Variants in NME1 observed in about 807,000 individuals in gnomAD.
NME1 encodes the protein nucleoside diphosphate kinase A.
A neutral mutation model predicts 17.2 loss-of-function variants in NME1; 9 were observed. The ratio of observed to expected loss-of-function variants is 0.52; its 90% CI spans 0.32 to 0.92. NME1 has a LOEUF of 0.92. Ranked by LOEUF, NME1 falls within the 40% of genes least tolerant of loss-of-function variation. The pLI, the probability that NME1 is intolerant of heterozygous loss-of-function variation, is 0.04. For missense variants in NME1, 169 were observed against 201.7 expected (o/e 0.84, Z 0.98); for synonymous variants, 72 against 70.8 (o/e 1.02, Z -0.09).
Position 51,161,740 on chromosome 17 carries a change from T to C in NME1, c.354T>C (p.His118=). ...FCIQVGRNII[H]GSDSVESAEK... ...TTTCTCCACCCAGGAACATTATACA[T>C]GGCAGTGATTCTGTGGAGAGTGCAG... Residue 118 remains histidine, a synonymous_variant, in exon 5 of 5, where the codon CAT becomes CAC. Transcript: ENST00000393196. The C allele has an allele frequency of 6.2e-7, 1 of 1,613,260 alleles. No individual in the cohort carries two copies. The highest frequency in any genetic ancestry group is 8.5e-7 in the Non-Finnish European group (1 of 1,179,162).
intron 4 of NME1, 28 bp from the exon 5 acceptor site, chr17:51,161,700 T>G: frequency 1.3e-6 from 2 of 1,526,690 alleles, no homozygotes; most frequent in Non-Finnish European, 1.8e-6. Context: ...CTGGTCTTGG[T>G]CATGTGACTA....
At chr17:51,159,378 A>G (rs970528985) in intron 2 of NME1, among the ~76,000 whole-genome samples, 2 of 152,140 alleles carry the variant, frequency 1.3e-5, no homozygotes, top group Admixed American at 6.5e-5. Context: ...AGGCAGGCAG[A>G]TCACCTGCGG....
intron 3 of NME1, chr17:51,160,295 C>T (rs2049846174): frequency 1.8e-5 from 12 of 656,134 alleles, no homozygotes; most frequent in East Asian, 5.8e-5. Context: ...GATCAAAGAA[C>T]GCAATTTTTA....
At position 51,157,569 on chromosome 17, in the gene NME1, A is replaced by G. The variant is rs193015047; in HGVS notation, c.126+1789A>G. 1.1e-3 allele frequency among the ~76,000 whole-genome samples: 173 copies of G among 152,324 alleles called. 2 individuals carry two copies. The highest frequency in any genetic ancestry group is 1.3e-4 in the Non-Finnish European group (9 of 68,030). On this transcript the variant is annotated intron_variant, in intron 2 of 4. Coordinates refer to ENST00000393196, the MANE Select transcript of NME1 (RefSeq NM_000269.3). ...TTGGGGGACACATTCAGATCACAGC[A>G]GAAGGTAACATGAGATGGATGTGTT...
intron 1 of NME1, 46 bp downstream of exon 1, chr17:51,153,708 T>C (rs1187175496): frequency 1.4e-5 from 2 of 147,816 alleles, no homozygotes; most frequent in East Asian, 2.1e-4. Context: ...AGGAGTGTAG[T>C]CGCGGGAGTG....
intron 3 of NME1, chr17:51,160,296 G>A (rs943748170): frequency 4.3e-5 from 28 of 651,644 alleles, no homozygotes; most frequent in African/African-American, 8.9e-5. Context: ...ATCAAAGAAC[G>A]CAATTTTTAA....
chr17:51,161,899 C>A lies in NME1; in HGVS notation c.*54C>A. On this transcript the variant is annotated 3_prime_UTR_variant, in exon 5 of 5. Transcript: ENST00000393196. ...ATCCATTTCCCCTCCTTCCCATGGGCAGAGGACCAGGCTGTAGGAAATCTA... is the reference window on the plus strand; with the variant it reads ...ATCCATTTCCCCTCCTTCCCATGGGAAGAGGACCAGGCTGTAGGAAATCTA... 1 of 1,106,204 alleles carries A rather than the reference C, an allele frequency of 9.0e-7. No individual in the cohort carries two copies. The highest frequency in any genetic ancestry group is 1.4e-6 in the Non-Finnish European group (1 of 718,626). The allele number at this position is 1,106,204 out of a possible 1,614,324, so 68.5% of individuals were successfully genotyped here. A position where few individuals can be genotyped will look rare whatever the true frequency, so the allele number is the denominator to read the frequency against.
Position 51,160,025 on chromosome 17 carries a change from C to T in NME1, c.172C>T (p.Arg58Cys), listed in dbSNP as rs778134532. The T allele has an allele frequency of 1.6e-5, 26 of 1,613,940 alleles. No homozygotes were observed. Among genetic ancestry groups the T allele is most frequent in the Middle Eastern group, 1.6e-4 (1 of 6,084 alleles). The change falls in exon 3 of 5, where the codon CGT becomes TGT. Residue 58 changes from arginine to cysteine, a missense_variant. Transcript: ENST00000393196. ...LKEHYVDLKDRPFFAGLVKYM... is the reference protein window; with the variant it reads ...LKEHYVDLKDCPFFAGLVKYM... ...GGAACACTACGTTGACCTGAAGGAC[C>T]GTCCATTCTTTGCCGGCCTGGTGAA...
At position 51,155,901 on chromosome 17, in the gene NME1, C is replaced by T. The variant is rs2049779439; in HGVS notation, c.126+121C>T. On this transcript the variant is annotated intron_variant, in intron 2 of 4. Coordinates refer to ENST00000393196, the MANE Select transcript of NME1 (RefSeq NM_000269.3). Reference sequence around the variant, plus strand: ...TCCACGGTAGAGTGAACACAAGTGTCTTGAGACCTGGAAACTCCTCAGTGC... The same window carrying T: ...TCCACGGTAGAGTGAACACAAGTGTTTTGAGACCTGGAAACTCCTCAGTGC... The T allele has an allele frequency of 2.6e-6, 4 of 1,517,614 alleles. No individual in the cohort carries two copies. In the African/African-American group the frequency reaches 4.1e-5, roughly 16 times the overall value. 94.0% of individuals were successfully genotyped at this position (1,517,614 alleles called of 1,614,324 possible).
intron 4 of NME1, 21 bp from the exon 5 acceptor site, chr17:51,161,707 A>T (rs964279947): frequency 4.5e-6 from 7 of 1,560,256 alleles, no homozygotes; most frequent in African/African-American, 1.4e-5. Flanking sequence ...TGGTCATGTG[A>T]CTATCTCTTT....
At chr17:51,155,472 A>G (rs1364684000) in intron 1 of NME1, among the ~76,000 whole-genome samples, 179 bp from the exon 2 acceptor site, 1 of 152,230 alleles carries the variant, frequency 6.6e-6, no homozygotes, top group Non-Finnish European at 1.5e-5. Flanking sequence ...ATCCTTTCCC[A>G]CATTGACATA....
chr17:51,162,004 C>T lies in NME1; in HGVS notation c.*159C>T, dbSNP rs186269173. The stretch of plus-strand genomic sequence containing the variant: ...TCTCCCTGTACAGTGTTACCATCCC[C>T]GACCATCTGATTAAAATGCTTCCTC... On this transcript the variant is annotated 3_prime_UTR_variant, in exon 5 of 5. Transcript: ENST00000393196. The T allele has an allele frequency of 5.0e-5, 31 of 617,408 alleles. No homozygotes were observed. Among genetic ancestry groups the T allele is most frequent in the East Asian group, 4.3e-4 (16 of 36,828 alleles). 38.2% of individuals were successfully genotyped at this position (617,408 alleles called of 1,614,324 possible).
chr17:51,161,001 C>T (rs1217235752), intron 3 of NME1, 159 bp from the exon 4 acceptor site: 3 of 787,892 alleles, frequency 3.8e-6, no homozygotes, highest in African/African-American at 1.7e-5. Context: ...TCAGGATCCT[C>T]AGTGCTGGAA....
chr17:51,157,077 G>A (rs2049798737), intron 2 of NME1, among the ~76,000 whole-genome samples: 1 of 151,834 alleles, frequency 6.6e-6, no homozygotes, highest in African/African-American at 2.4e-5. Context: ...ATCAATTTTG[G>A]ACCCTTCTAG....
chr17:51,155,537 C>T, intron 1 of NME1, 114 bp from the exon 2 acceptor site: 1 of 1,504,788 alleles, frequency 6.6e-7, no homozygotes, highest in Admixed American at 1.9e-5. Context: ...AGAGGGAGAC[C>T]TGGAGCTGAC....
intron 1 of NME1, among the ~76,000 whole-genome samples, chr17:51,154,751 G>T (rs1211985966): frequency 6.6e-6 from 1 of 152,174 alleles, no homozygotes; most frequent in Non-Finnish European, 1.5e-5. Context: ...TAATGCTATG[G>T]CTGTGGCATT....
intron 2 of NME1, 71 bp downstream of exon 2, chr17:51,155,851 TC>T (rs1203542666): frequency 1.3e-5 from 21 of 1,601,206 alleles, no homozygotes; most frequent in Admixed American, 5.0e-5. Flanking sequence ...AACCTGTTTC[TC>T]CCCGTCTTTC....
At chr17:51,154,550 T>TGATAC in intron 1 of NME1, 1 of 956,886 alleles carries the variant, frequency 1.0e-6, no homozygotes, top group Non-Finnish European at 1.7e-6. Flanking sequence ...TCCTAATGTC[T>TGATAC]GTAGTTCTCC....
chr17:51,155,407 A>T (rs2049771661), intron 1 of NME1, among the ~76,000 whole-genome samples: 1 of 152,190 alleles, frequency 6.6e-6, no homozygotes, highest in Non-Finnish European at 1.5e-5. Flanking sequence ...AAAAACCAAA[A>T]CAAATGAAAA....
Sources: allele counts gnomAD v4.1 joint callset (sites outside exome capture counted in the v4.1 genomes callset), GRCh38; gene constraint gnomAD v4.1.1; transcripts MANE v1.5; gene names NCBI Gene and HGNC (gene_info 2026-07-23, HGNC 2026-07-21).